Variants in ADK observed in about 807,000 individuals in gnomAD.
ADK encodes the protein N6,N6-dimethyladenosine kinase.
In ADK, 24 loss-of-function variants were observed where a neutral mutation model predicts 44.7. The ratio of observed to expected loss-of-function variants is 0.54; its 90% CI spans 0.39 to 0.76. The LOEUF (loss-of-function observed/expected upper bound fraction) is 0.76. Ranked by LOEUF, ADK falls within the 30% of genes least tolerant of loss-of-function variation. The probability of loss-of-function intolerance (pLI) is 0.00; values close to 1 mark genes in which losing one functional copy is unlikely to be tolerated. For synonymous variants in ADK, 128 were observed against 142.6 expected (o/e 0.90, Z 0.73); for missense variants, 321 against 425.1 (o/e 0.76, Z 2.15).
intron 3 of ADK, among the ~76,000 whole-genome samples, chr10:74,268,505 A>G: frequency 6.6e-6 from 1 of 152,172 alleles, no homozygotes; most frequent in East Asian, 1.9e-4. Context: ...ACAACTATTG[A>G]TATAGTTATG....
intron 7 of ADK, among the ~76,000 whole-genome samples, chr10:74,568,335 C>T (rs1589255663): frequency 6.6e-6 from 1 of 151,998 alleles, no homozygotes. Context: ...CATCTCCTCA[C>T]TTTATTGCAA....
chr10:74,522,041 A>G (rs1222421084), intron 6 of ADK, among the ~76,000 whole-genome samples: 1 of 152,148 alleles, frequency 6.6e-6, no homozygotes, highest in Non-Finnish European at 1.5e-5. Flanking sequence ...AAAGTAACAT[A>G]TTTTCCTCAT....
chr10:74,276,351 C>A (rs947138620), intron 3 of ADK, among the ~76,000 whole-genome samples: 15 of 152,216 alleles, frequency 9.9e-5, no homozygotes, highest in African/African-American at 3.6e-4. Context: ...TACTACGTAG[C>A]TTCTGGTTAT....
In ADK at chr10:74,332,309, T is replaced by C. The variant is rs17682987; in HGVS notation, c.273+17564T>C. ...GTAGTTATGAAAGACCCTGAAATGATTGTATTTTTTTATTTCTGTACAAAG... is the reference window on the plus strand; with the variant it reads ...GTAGTTATGAAAGACCCTGAAATGACTGTATTTTTTTATTTCTGTACAAAG... On this transcript the variant is annotated intron_variant, in intron 4 of 10. Coordinates refer to ENST00000539909, the MANE Select transcript of ADK (RefSeq NM_006721.4). Among the ~76,000 whole-genome samples, 1,437 of 152,352 alleles carry C rather than the reference T, an allele frequency of 9.4e-3. 17 individuals carry two copies. The highest frequency in any genetic ancestry group is 0.018 in the South Asian group (89 of 4,832).
intron 9 of ADK, among the ~76,000 whole-genome samples, chr10:74,667,737 A>G (rs947076969): frequency 1.3e-5 from 2 of 151,426 alleles, no homozygotes; most frequent in Non-Finnish European, 2.9e-5. Context: ...GGATTTTACC[A>G]TGTTGCCCAG....
chr10:74,448,210 T>C (rs1845650456), intron 6 of ADK, among the ~76,000 whole-genome samples: 1 of 151,956 alleles, frequency 6.6e-6, no homozygotes, highest in Admixed American at 6.6e-5. Flanking sequence ...TCCCAGCTAC[T>C]TGGGAGGGTG....
chr10:74,628,135 T>C (rs1406976035), intron 9 of ADK, among the ~76,000 whole-genome samples: 2 of 152,216 alleles, frequency 1.3e-5, no homozygotes, highest in Non-Finnish European at 2.9e-5. Flanking sequence ...GTTGTGACAT[T>C]TAATCTGGGA....
chr10:74,258,592 CTT>C (rs989559872), intron 3 of ADK, among the ~76,000 whole-genome samples: 2 of 151,968 alleles, frequency 1.3e-5, no homozygotes, highest in African/African-American at 4.8e-5. Flanking sequence ...CAGTTTTAGA[CTT>C]AATACAACAG....
intron 3 of ADK, among the ~76,000 whole-genome samples, chr10:74,229,686 C>A (rs535671156): frequency 1.3e-5 from 2 of 152,092 alleles, no homozygotes; most frequent in Non-Finnish European, 2.9e-5. Context: ...CGTGAGCCAC[C>A]GCGCCCGGTC....
At chr10:74,695,355 T>C (rs1175396619) in intron 10 of ADK, among the ~76,000 whole-genome samples, 1 of 152,162 alleles carries the variant, frequency 6.6e-6, no homozygotes, top group Non-Finnish European at 1.5e-5. Flanking sequence ...TTTAGGTCCT[T>C]TGTAATATCT....
At chr10:74,405,840 G>T (rs753109317) in intron 6 of ADK, among the ~76,000 whole-genome samples, 6 of 152,166 alleles carry the variant, frequency 3.9e-5, no homozygotes, top group Non-Finnish European at 5.9e-5. Flanking sequence ...AAATGTGTAT[G>T]TGCCTCAGGT....
intron 6 of ADK, among the ~76,000 whole-genome samples, chr10:74,492,992 T>C (rs1847542055): frequency 6.6e-6 from 1 of 152,210 alleles, no homozygotes; most frequent in Non-Finnish European, 1.5e-5. Context: ...ACATCCATTC[T>C]TCCTAGAGAC....
intron 6 of ADK, among the ~76,000 whole-genome samples, chr10:74,499,455 G>A (rs552734948): frequency 3.3e-5 from 5 of 152,282 alleles, no homozygotes; most frequent in African/African-American, 4.8e-5. Context: ...TTGGGAGGCC[G>A]AGGCGGGTGG....
At chr10:74,498,528 T>G (rs1241855704) in intron 6 of ADK, among the ~76,000 whole-genome samples, 9 of 152,242 alleles carry the variant, frequency 5.9e-5, no homozygotes, top group Non-Finnish European at 8.8e-5. Flanking sequence ...TACACTTTAT[T>G]TTTTATTTTT....
At chr10:74,151,948 G>A (rs1841607288) in intron 1 of ADK, among the ~76,000 whole-genome samples, 2 of 152,162 alleles carry the variant, frequency 1.3e-5, no homozygotes, top group Non-Finnish European at 2.9e-5. Flanking sequence ...GCAGCAACGG[G>A]GACAGTGCTG....
chr10:74,300,291 CTTCCTTCCTTCCTTCCTTCT>C (rs1246727243), intron 3 of ADK, among the ~76,000 whole-genome samples: 1,444 of 86,306 alleles, frequency 0.017, 73 homozygotes, highest in African/African-American at 0.051. Context: ...TCCTTCCTTC[CTTCCTTCCTTCCTTCCTTCT>C]TTCCTTCCTT....
intron 4 of ADK, among the ~76,000 whole-genome samples, chr10:74,354,899 C>T (rs1564671874): frequency 6.6e-6 from 1 of 152,164 alleles, no homozygotes; most frequent in South Asian, 2.1e-4. Flanking sequence ...TCACTGCTTC[C>T]ACTATTTGGG....
chr10:74,374,892 T>C (rs1276491807), intron 4 of ADK, among the ~76,000 whole-genome samples: 1 of 152,208 alleles, frequency 6.6e-6, no homozygotes, highest in Non-Finnish European at 1.5e-5. Context: ...TCCTTGGTGC[T>C]TTCCAAGTTT....
chr10:74,335,046 G>A (rs1841359609), intron 4 of ADK, among the ~76,000 whole-genome samples: 1 of 151,958 alleles, frequency 6.6e-6, no homozygotes, highest in Non-Finnish European at 1.5e-5. Context: ...GCCTTCACTC[G>A]ACTCCTGGGT....
Sources: gnomAD v4.1 joint callset for allele counts (sites outside exome capture counted in the v4.1 genomes callset) on GRCh38, gnomAD v4.1.1 for gene constraint, MANE v1.5 for transcripts, NCBI Gene and HGNC (gene_info 2026-07-23, HGNC 2026-07-21) for gene names.